Variants in NUS1 observed in about 807,000 individuals in gnomAD.
NUS1 encodes NUS1 dehydrodolichyl diphosphate synthase subunit.
For synonymous variants in NUS1, 135 were observed against 155.2 expected, an observed-to-expected ratio of 0.87 and a Z score of 0.97; for missense variants, 292 against 382.9, an observed-to-expected ratio of 0.76 and a Z score of 1.98.
chr6:117,675,808 C>T lies in NUS1; in HGVS notation c.138C>T (p.Ala46=), dbSNP rs1259495362. Residue 46 remains alanine (A), a synonymous_variant, in exon 1 of 5, where the codon GCC becomes GCT. Transcript: ENST00000368494. ...IWRRCCRAAS[A]AVLAPLGFTL... ...GGCGCTGCTGCCGCGCCGCCTCTGC[C>T]GCGGTCCTAGCGCCGCTCGGCTTCA... The T allele has an allele frequency of 1.3e-6, 2 of 1,563,686 alleles. No homozygotes were observed. The highest frequency in any genetic ancestry group is 1.7e-6 in the Non-Finnish European group (2 of 1,156,356).
intron 1 of NUS1, among the ~76,000 whole-genome samples, chr6:117,686,209 G>A (rs751009951): frequency 1.3e-5 from 2 of 151,736 alleles, no homozygotes; most frequent in East Asian, 1.9e-4. Flanking sequence ...GCAGTGAGCC[G>A]AGATCGCGCC....
intron 3 of NUS1, among the ~76,000 whole-genome samples, chr6:117,699,585 A>G (rs951859344): frequency 6.6e-6 from 1 of 152,132 alleles, no homozygotes; most frequent in East Asian, 1.9e-4. Flanking sequence ...ATCTGCAGTC[A>G]ATGCAAAATA....
chr6:117,693,540 G>C (rs1773272605), intron 2 of NUS1, among the ~76,000 whole-genome samples: 1 of 152,162 alleles, frequency 6.6e-6, no homozygotes, highest in Admixed American at 6.5e-5. Flanking sequence ...GAATTTTGCA[G>C]TGTTATCTGA....
intron 1 of NUS1, among the ~76,000 whole-genome samples, chr6:117,680,922 G>A (rs961375481): frequency 6.6e-6 from 1 of 152,104 alleles, no homozygotes; most frequent in African/African-American, 2.4e-5. Flanking sequence ...TGGTTTTTGG[G>A]TACAGGTTTC....
At chr6:117,700,490 G>A (rs367816371) in intron 3 of NUS1, among the ~76,000 whole-genome samples, 12 of 152,258 alleles carry the variant, frequency 7.9e-5, no homozygotes, top group South Asian at 2.1e-4. Flanking sequence ...AAATGCTAAC[G>A]AGGATGTGGA....
intron 4 of NUS1, among the ~76,000 whole-genome samples, chr6:117,705,125 C>G (rs1004930361): frequency 6.6e-6 from 1 of 152,144 alleles, no homozygotes; most frequent in Non-Finnish European, 1.5e-5. Context: ...CTGGTCCCAC[C>G]TTCTCATTTT....
At chr6:117,703,957 G>A (rs1773464909) in intron 4 of NUS1, among the ~76,000 whole-genome samples, 1 of 152,072 alleles carries the variant, frequency 6.6e-6, no homozygotes, top group Non-Finnish European at 1.5e-5. Flanking sequence ...AACTGTAAAG[G>A]GTGTGGCTTG....
intron 1 of NUS1, among the ~76,000 whole-genome samples, chr6:117,683,735 T>C (rs752310628): frequency 1.1e-4 from 16 of 152,184 alleles, no homozygotes; most frequent in Non-Finnish European, 2.2e-4. Flanking sequence ...ACAGTAAAAA[T>C]TCCAGTTTCA....
chr6:117,692,834 T>G (rs1318326098), intron 1 of NUS1, among the ~76,000 whole-genome samples: 1 of 152,114 alleles, frequency 6.6e-6, no homozygotes, highest in East Asian at 1.9e-4. Flanking sequence ...TAGTTACCTC[T>G]GTTCTTTTTT....
chr6:117,687,454 C>T (rs954296070), intron 1 of NUS1, among the ~76,000 whole-genome samples: 1 of 152,042 alleles, frequency 6.6e-6, no homozygotes, highest in Non-Finnish European at 1.5e-5. Context: ...CGTTTATTAA[C>T]AAGTTTAAAT....
chr6:117,702,036 TC>T (rs1211250889), intron 3 of NUS1, among the ~76,000 whole-genome samples: 1 of 152,194 alleles, frequency 6.6e-6, no homozygotes, highest in Non-Finnish European at 1.5e-5. Flanking sequence ...CACTGGACTT[TC>T]TTCCTGCCCT....
intron 3 of NUS1, among the ~76,000 whole-genome samples, chr6:117,698,533 T>G (rs1773353396): frequency 6.6e-6 from 1 of 151,830 alleles, no homozygotes; most frequent in Non-Finnish European, 1.5e-5. Flanking sequence ...TAATGAAAAG[T>G]CTTAGAGCAG....
At position 117,681,216 on chromosome 6, in the gene NUS1, A is replaced by G. The variant is rs1476812485; in HGVS notation, c.415+5131A>G. On this transcript the variant is annotated intron_variant, in intron 1 of 4. Coordinates refer to ENST00000368494, the MANE Select transcript of NUS1 (RefSeq NM_138459.5). ...TCTCTGAATCTCCTCAGAACTTCAA[A>G]CATCTCTAAAGGTACTTCTGTTCTC... is the stretch of plus-strand genomic sequence containing the variant. 2.0e-5 allele frequency among the ~76,000 whole-genome samples: 3 copies of G among 152,308 alleles called. No homozygotes were observed. In the East Asian group the frequency reaches 5.8e-4, roughly 29 times the overall value.
At chr6:117,690,261 A>T (rs1055523532) in intron 1 of NUS1, among the ~76,000 whole-genome samples, 1 of 152,054 alleles carries the variant, frequency 6.6e-6, no homozygotes, top group East Asian at 1.9e-4. Flanking sequence ...TTAGAGTCTT[A>T]TGATTGTGGG....
At chr6:117,692,943 C>A in intron 1 of NUS1, 99 bp from the exon 2 acceptor site, 2 of 937,286 alleles carry the variant, frequency 2.1e-6, no homozygotes, top group East Asian at 2.6e-5. Flanking sequence ...GTTTGACATT[C>A]GTTTAGTTCT....
intron 1 of NUS1, among the ~76,000 whole-genome samples, chr6:117,682,550 A>G (rs2114679396): frequency 6.6e-6 from 1 of 152,368 alleles, no homozygotes; most frequent in East Asian, 1.9e-4. Flanking sequence ...ACAGTGAACC[A>G]TGGTTGCACC....
intron 1 of NUS1, among the ~76,000 whole-genome samples, chr6:117,685,938 G>T (rs1773130977): frequency 6.6e-6 from 1 of 150,812 alleles, no homozygotes; most frequent in Admixed American, 6.6e-5. Context: ...CTCCAGCCTG[G>T]GTGAGAGAGT....
At chr6:117,696,234 G>A (rs767660944) in intron 3 of NUS1, among the ~76,000 whole-genome samples, 4 of 151,996 alleles carry the variant, frequency 2.6e-5, no homozygotes, top group Non-Finnish European at 5.9e-5. Context: ...CAAATACAGA[G>A]AGGAGACAAA....
rs1773460031 is a variant in NUS1 at position 117,703,630 on chromosome 6, T to C, written c.717T>C (p.Asp239=). Residue 239 remains aspartate, a synonymous_variant, in exon 4 of 5, where the codon GAT becomes GAC. Coordinates refer to ENST00000368494, the MANE Select transcript of NUS1 (RefSeq NM_138459.5). ...GTTCAAATGGTTGTCCTGATCCTGA[T>C]TTAGTATTGAAGTTCGGTCCTGTGG... ...LLSSNGCPDP[D]LVLKFGPVDS... The C allele has an allele frequency of 6.2e-7, 1 of 1,613,540 alleles. No individual in the cohort carries two copies. Among genetic ancestry groups the C allele is most frequent in the Non-Finnish European group, 8.5e-7 (1 of 1,179,484 alleles).
Sources: allele counts gnomAD v4.1 joint callset (sites outside exome capture counted in the v4.1 genomes callset), GRCh38; gene constraint gnomAD v4.1.1; transcripts MANE v1.5; gene names NCBI Gene and HGNC (gene_info 2026-07-23, HGNC 2026-07-21).